Variants in PTPRD observed in about 807,000 individuals in gnomAD.
The protein encoded by PTPRD is receptor-type tyrosine-protein phosphatase delta.
A neutral mutation model predicts 214.5 loss-of-function variants in PTPRD; 34 were observed. The ratio of observed to expected loss-of-function variants is 0.16; its 90% CI spans 0.12 to 0.21. The LOEUF (loss-of-function observed/expected upper bound fraction) is 0.21. Among genes scored for constraint, PTPRD ranks in the 10% least tolerant of loss-of-function variants. The pLI is 1.00. For synonymous variants in PTPRD, 1,128 were observed against 845.7 expected (o/e 1.33, Z -5.79); for missense variants, 2,545 against 2,398.7 (o/e 1.06, Z -1.27).
intron 2 of PTPRD, among the ~76,000 whole-genome samples, chr9:10,385,587 G>C (rs111236856): frequency 0.013 from 2,027 of 151,822 alleles, 50 homozygotes; most frequent in African/African-American, 0.046. Flanking sequence ...GGAATATGAA[G>C]GGCTTTTTTC....
chr9:10,378,860 T>C (rs2097773266), intron 2 of PTPRD, among the ~76,000 whole-genome samples: 1 of 152,010 alleles, frequency 6.6e-6, no homozygotes, highest in African/African-American at 2.4e-5. Flanking sequence ...AAGAATGTCA[T>C]TGGTATTTTA....
intron 5 of PTPRD, among the ~76,000 whole-genome samples, chr9:9,784,937 G>C (rs1324299060): frequency 2.0e-5 from 3 of 147,214 alleles, no homozygotes; most frequent in African/African-American, 7.5e-5. Flanking sequence ...ATTGTATATG[G>C]TTTGAGCAGG....
intron 9 of PTPRD, among the ~76,000 whole-genome samples, chr9:9,365,714 G>C (rs1164444406): frequency 2.0e-5 from 3 of 151,346 alleles, no homozygotes; most frequent in Non-Finnish European, 3.0e-5. Flanking sequence ...ATCAGCCAAA[G>C]GTTTTGCCTC....
chr9:8,885,459 A>C (rs13295870), intron 11 of PTPRD, among the ~76,000 whole-genome samples: 32,543 of 146,848 alleles, frequency 0.22, 4,208 homozygotes, highest in Non-Finnish European at 0.3. Context: ...ATGCCAATAC[A>C]TGTGTCTTTC....
intron 9 of PTPRD, among the ~76,000 whole-genome samples, chr9:9,348,505 T>C (rs898948738): frequency 6.6e-6 from 1 of 152,064 alleles, no homozygotes; most frequent in African/African-American, 2.4e-5. Flanking sequence ...TGGGCAAGTA[T>C]GCTGGGTGGG....
chr9:8,352,177 C>T (rs921340541), intron 39 of PTPRD, among the ~76,000 whole-genome samples: 7 of 151,888 alleles, frequency 4.6e-5, no homozygotes, highest in African/African-American at 1.7e-4. Flanking sequence ...GCTGAACACA[C>T]TCCCTATTAT....
chr9:9,529,183 T>G (rs828820), intron 8 of PTPRD, among the ~76,000 whole-genome samples: 6 of 151,308 alleles, frequency 4.0e-5, no homozygotes, highest in Admixed American at 2.0e-4. Flanking sequence ...CCGCCCGCCT[T>G]GGCCTCCCAA....
intron 2 of PTPRD, among the ~76,000 whole-genome samples, chr9:10,429,535 T>A (rs1306219866): frequency 6.6e-6 from 1 of 151,858 alleles, no homozygotes; most frequent in Non-Finnish European, 1.5e-5. Context: ...GCAACATGGA[T>A]GGAACTGGAG....
intron 4 of PTPRD, among the ~76,000 whole-genome samples, chr9:10,030,533 G>C (rs1247477454): frequency 1.3e-5 from 2 of 152,100 alleles, no homozygotes; most frequent in Non-Finnish European, 2.9e-5. Context: ...GAAAGCTATA[G>C]ACTGAAAAGA....
intron 39 of PTPRD, among the ~76,000 whole-genome samples, chr9:8,349,269 T>C (rs2074751990): frequency 6.6e-6 from 1 of 152,168 alleles, no homozygotes; most frequent in Non-Finnish European, 1.5e-5. Flanking sequence ...TATTTTTCCT[T>C]AAGAAATTGA....
intron 8 of PTPRD, among the ~76,000 whole-genome samples, chr9:9,398,114 C>T (rs750100644): frequency 6.8e-6 from 1 of 147,960 alleles, no homozygotes; most frequent in Non-Finnish European, 1.5e-5. Flanking sequence ...TCCCTCCCTG[C>T]TTCTCTTTCT....
intron 2 of PTPRD, among the ~76,000 whole-genome samples, chr9:10,514,661 T>C (rs914418385): frequency 1.1e-4 from 16 of 151,908 alleles, no homozygotes; most frequent in South Asian, 1.0e-3. Flanking sequence ...TTTTTCCTCT[T>C]GAGAATTTAA....
At chr9:8,793,389 A>T (rs1008451698) in intron 11 of PTPRD, among the ~76,000 whole-genome samples, 1 of 152,196 alleles carries the variant, frequency 6.6e-6, no homozygotes, top group Non-Finnish European at 1.5e-5. Flanking sequence ...TCTTGGAAAA[A>T]GATCCTCCAG....
intron 8 of PTPRD, among the ~76,000 whole-genome samples, chr9:9,466,623 A>ATG (rs1430576241): frequency 6.6e-6 from 1 of 152,180 alleles, no homozygotes; most frequent in Non-Finnish European, 1.5e-5. Context: ...TTCTCCTTGA[A>ATG]TGTGTTTAGT....
At chr9:10,239,211 T>C (rs1031225741) in intron 3 of PTPRD, among the ~76,000 whole-genome samples, 3 of 152,096 alleles carry the variant, frequency 2.0e-5, no homozygotes, top group Non-Finnish European at 1.5e-5. Flanking sequence ...TTGTTTTCCA[T>C]CAGGCAAAGT....
At chr9:8,741,891 G>T (rs965495962) in intron 11 of PTPRD, among the ~76,000 whole-genome samples, 1 of 151,832 alleles carries the variant, frequency 6.6e-6, no homozygotes, top group African/African-American at 2.4e-5. Context: ...GCCTGACCGG[G>T]CATTTCTTTT....
intron 4 of PTPRD, among the ~76,000 whole-genome samples, chr9:10,029,162 GC>G (rs1220614879): frequency 6.6e-6 from 1 of 152,222 alleles, no homozygotes; most frequent in Non-Finnish European, 1.5e-5. Flanking sequence ...GGGAACCTCT[GC>G]CTAGATTTCA....
At chr9:9,106,000 G>C (rs745982607) in intron 10 of PTPRD, among the ~76,000 whole-genome samples, 4 of 152,086 alleles carry the variant, frequency 2.6e-5, no homozygotes, top group African/African-American at 7.2e-5. Flanking sequence ...GAGTTATTGT[G>C]CTTTTCTCTA....
intron 9 of PTPRD, among the ~76,000 whole-genome samples, chr9:9,384,478 G>T (rs936451543): frequency 1.4e-5 from 2 of 147,412 alleles, no homozygotes; most frequent in African/African-American, 5.0e-5. Flanking sequence ...TGTTGAGGTC[G>T]AGTTTTTGAG....
Sources: allele counts gnomAD v4.1 joint callset (sites outside exome capture counted in the v4.1 genomes callset), GRCh38; gene constraint gnomAD v4.1.1; transcripts MANE v1.5; gene names NCBI Gene and HGNC (gene_info 2026-07-23, HGNC 2026-07-21).